Variants in TMCO1 observed in about 807,000 individuals in gnomAD.
TMCO1 encodes calcium load-activated calcium channel.
In TMCO1, 29 loss-of-function variants were observed where a neutral mutation model predicts 29.3. The observed-to-expected ratio is 0.99, with a 90% CI of 0.74 to 1.35. TMCO1 has a LOEUF of 1.35. Ranked by LOEUF, TMCO1 falls within the 40% of genes most tolerant of loss-of-function variation. TMCO1 has a pLI of 0.00. For synonymous variants in TMCO1, 80 were observed against 77.1 expected, an observed-to-expected ratio of 1.04 and a Z score of -0.20; for missense variants, 173 against 225.5, an observed-to-expected ratio of 0.77 and a Z score of 1.49.
At chr1:165,748,839 G>A (rs1651896527) in intron 5 of TMCO1, among the ~76,000 whole-genome samples, 1 of 152,150 alleles carries the variant, frequency 6.6e-6, no homozygotes, top group African/African-American at 2.4e-5. Flanking sequence ...TCTGTGCTCT[G>A]CCTAGTCATC....
intron 2 of TMCO1, among the ~76,000 whole-genome samples, chr1:165,763,726 A>G (rs1303847307): frequency 6.6e-6 from 1 of 152,192 alleles, no homozygotes; most frequent in African/African-American, 2.4e-5. Flanking sequence ...CCTGAGCTCA[A>G]GCAATCCTCC....
rs576355331 is a variant in TMCO1, at chr1:165,742,999, C to T, written c.468+168G>A. On this transcript the variant is annotated intron_variant, in intron 6 of 6. Coordinates refer to ENST00000367881, the MANE Select transcript of TMCO1 (RefSeq NM_019026.6). ...ATCCCTAAGGATCAGTCATCTAGAC[C>T]TACAGCCATTTAAAATGGCTTTTGG... 9.5e-4 allele frequency among the ~76,000 whole-genome samples: 144 copies of T among 152,236 alleles called. No individual in the cohort carries two copies. The highest frequency in any genetic ancestry group is 1.5e-3 in the Admixed American group (23 of 15,286).
At chr1:165,768,892 G>A (rs1161605092), upstream of TMCO1, 1 of 1,548,780 alleles carries the variant, frequency 6.5e-7, no homozygotes, top group South Asian at 1.2e-5. Flanking sequence ...TCGCACTTCC[G>A]CTTCCGGGGC....
At chr1:165,732,987 T>C (rs371774932) in intron 6 of TMCO1, among the ~76,000 whole-genome samples, 2 of 152,176 alleles carry the variant, frequency 1.3e-5, no homozygotes, top group Admixed American at 6.5e-5. Flanking sequence ...AAAAAAAGAA[T>C]AACAACAATA....
At chr1:165,726,359 C>CA (rs149991288), downstream of TMCO1, 492 of 656,842 alleles carry the variant, frequency 7.5e-4, no homozygotes, top group East Asian at 1.0e-3. Flanking sequence ...ATAAGGAGAA[C>CA]AAAAAAAAAG....
intron 6 of TMCO1, among the ~76,000 whole-genome samples, chr1:165,736,066 C>CA (rs910317122): frequency 6.6e-6 from 1 of 151,718 alleles, no homozygotes; most frequent in Non-Finnish European, 1.5e-5. Context: ...ATTGTCCTTT[C>CA]AAAAAAAAGG....
At chr1:165,751,469 C>T (rs112818900) in intron 5 of TMCO1, among the ~76,000 whole-genome samples, 2,016 of 151,994 alleles carry the variant, frequency 0.013, 52 homozygotes, top group African/African-American at 0.047. Context: ...TTTGGGAGGC[C>T]GAGGCAGGTG....
At chr1:165,759,005 T>C (rs995705889) in intron 3 of TMCO1, among the ~76,000 whole-genome samples, 6 of 152,186 alleles carry the variant, frequency 3.9e-5, no homozygotes, top group Non-Finnish European at 5.9e-5. Flanking sequence ...TACAATCCTT[T>C]ACGAATTGTC....
At chr1:165,729,313 A>G (rs1262681440) in intron 6 of TMCO1, among the ~76,000 whole-genome samples, 1 of 135,398 alleles carries the variant, frequency 7.4e-6, no homozygotes. Context: ...CTTTGTTCTC[A>G]TAATTCTTTT....
intron 2 of TMCO1, among the ~76,000 whole-genome samples, chr1:165,766,460 C>CA (rs1652571765): frequency 1.3e-5 from 2 of 152,244 alleles, no homozygotes; most frequent in African/African-American, 4.8e-5. Flanking sequence ...AACGGGAGGT[C>CA]AAGAAATGAA....
intron 6 of TMCO1, among the ~76,000 whole-genome samples, chr1:165,732,692 T>G (rs1425371767): frequency 1.3e-5 from 2 of 152,062 alleles, no homozygotes; most frequent in African/African-American, 4.8e-5. Flanking sequence ...TAGAGGGGTG[T>G]GCTATGCATA....
At chr1:165,751,065 T>A (rs971193141) in intron 5 of TMCO1, among the ~76,000 whole-genome samples, 1 of 152,100 alleles carries the variant, frequency 6.6e-6, no homozygotes, top group African/African-American at 2.4e-5. Flanking sequence ...AGAGACTCTG[T>A]CCCGAACAAC....
At chr1:165,728,762 C>T (rs918584719) in intron 6 of TMCO1, among the ~76,000 whole-genome samples, 6 of 151,884 alleles carry the variant, frequency 4.0e-5, no homozygotes, top group Middle Eastern at 3.4e-3. Flanking sequence ...TCTTTGAGTA[C>T]GGGTCTGCTG....
intron 5 of TMCO1, among the ~76,000 whole-genome samples, chr1:165,746,823 GGAAGGGATGGAGGGAAAA>G (rs1216721502): frequency 6.6e-6 from 1 of 152,104 alleles, no homozygotes; most frequent in East Asian, 1.9e-4. Context: ...TGGAGAGAAA[GGAAGGGATGGAGGGAAAA>G]GAGAATTTGG....
At chr1:165,748,434 A>G (rs1049804214) in intron 5 of TMCO1, among the ~76,000 whole-genome samples, 4 of 152,156 alleles carry the variant, frequency 2.6e-5, no homozygotes, top group Non-Finnish European at 4.4e-5. Flanking sequence ...ATGAGAAGAG[A>G]GGGAGGGATG....
chr1:165,753,268 T>C (rs924655547), intron 4 of TMCO1, among the ~76,000 whole-genome samples: 15 of 150,360 alleles, frequency 1.0e-4, no homozygotes, highest in African/African-American at 3.7e-4. Flanking sequence ...AGCTCAGGAG[T>C]TCAAGACCAG....
At chr1:165,756,474 ACTT>A (rs543242844) in intron 3 of TMCO1, among the ~76,000 whole-genome samples, 9 of 152,112 alleles carry the variant, frequency 5.9e-5, no homozygotes, top group Non-Finnish European at 1.3e-4. Flanking sequence ...ACCCCTTATG[ACTT>A]CTTTATTTGG....
At chr1:165,738,369 C>A (rs900510785) in intron 6 of TMCO1, among the ~76,000 whole-genome samples, 1 of 152,162 alleles carries the variant, frequency 6.6e-6, no homozygotes, top group African/African-American at 2.4e-5. Flanking sequence ...GGGAAAATCA[C>A]GGTACAGTCT....
At chr1:165,728,695 A>AT (rs965626566) in intron 6 of TMCO1, among the ~76,000 whole-genome samples, 3 of 152,224 alleles carry the variant, frequency 2.0e-5, no homozygotes, top group East Asian at 3.9e-4. Flanking sequence ...AAAGGAGATA[A>AT]TTTTTTTAAC....
Sources: gnomAD v4.1 joint callset for allele counts (sites outside exome capture counted in the v4.1 genomes callset) on GRCh38, gnomAD v4.1.1 for gene constraint, MANE v1.5 for transcripts, NCBI Gene and HGNC (gene_info 2026-07-23, HGNC 2026-07-21) for gene names.